The following MAL2 variants were observed in gnomAD, a reference collection of about 807,000 sequenced individuals.
MAL2 encodes protein MAL2.
In MAL2, 17 loss-of-function variants were observed where a neutral mutation model predicts 18.1. The observed-to-expected ratio is 0.94, with a 90% confidence interval of 0.64 to 1.41. The LOEUF (loss-of-function observed/expected upper bound fraction) is 1.41. Ranked by LOEUF, MAL2 falls within the 40% of genes most tolerant of loss-of-function variation. The pLI is 0.00. For missense variants in MAL2, 222 were observed against 231.9 expected (o/e 0.96, Z 0.28); for synonymous variants, 102 against 102.3 (o/e 1.00, Z 0.02).
intron 2 of MAL2, among the ~76,000 whole-genome samples, chr8:119,229,911 CCTAGG>C (rs1025793152): frequency 1.6e-4 from 24 of 152,164 alleles, no homozygotes; most frequent in African/African-American, 5.5e-4. Flanking sequence ...AACATGAGAG[CCTAGG>C]CTACCTGCTC....
At chr8:119,224,601 T>C (rs1438740346) in intron 2 of MAL2, among the ~76,000 whole-genome samples, 1 of 152,096 alleles carries the variant, frequency 6.6e-6, no homozygotes, top group Non-Finnish European at 1.5e-5. Context: ...CATGAATGAA[T>C]TGCATAGTGG....
At chr8:119,224,737 C>CT (rs1419055814) in intron 2 of MAL2, among the ~76,000 whole-genome samples, 3 of 152,158 alleles carry the variant, frequency 2.0e-5, no homozygotes, top group Non-Finnish European at 4.4e-5. Flanking sequence ...TTATACCACT[C>CT]TGTATGCCTT....
chr8:119,237,694 A>G (rs1563777727), intron 2 of MAL2, among the ~76,000 whole-genome samples: 1 of 151,816 alleles, frequency 6.6e-6, no homozygotes, highest in African/African-American at 2.4e-5. Flanking sequence ...AAACCACATG[A>G]TTATCTCAAT....
chr8:119,226,503 CG>C (rs377335258), intron 2 of MAL2, among the ~76,000 whole-genome samples: 61 of 95,106 alleles, frequency 6.4e-4, no homozygotes, highest in African/African-American at 2.5e-3. Flanking sequence ...CACTTGCGGG[CG>C]GGGGGTGGGG....
intron 1 of MAL2, chr8:119,215,713 A>G (rs1817340762): frequency 6.6e-6 from 1 of 152,266 alleles, no homozygotes; most frequent in African/African-American, 2.4e-5. Flanking sequence ...AAGTGTGATC[A>G]TTTCTCTATG....
intron 2 of MAL2, among the ~76,000 whole-genome samples, chr8:119,236,765 G>C (rs141809025): frequency 0.085 from 12,536 of 147,916 alleles, 1,722 homozygotes; most frequent in African/African-American, 0.29. Context: ...ACACAACATA[G>C]CAGAATCTCT....
intron 2 of MAL2, among the ~76,000 whole-genome samples, chr8:119,225,158 T>C (rs376280885): frequency 1.3e-5 from 2 of 152,312 alleles, no homozygotes; most frequent in South Asian, 2.1e-4. Flanking sequence ...TTAGGGTACA[T>C]GTGCACAACG....
rs1554637226 is a variant in MAL2 at position 119,208,384 on chromosome 8, G to GAGCGGCGGC, written c.-88_-80dup. Reference sequence around the variant, plus strand: ...CGGCGCGCCCGGAGCCCGCGGAGCTGAGCGGCGGCGGCGGCGGCGGCAGGA... The same window carrying GAGCGGCGGC: ...CGGCGCGCCCGGAGCCCGCGGAGCTGAGCGGCGGCAGCGGCGGCGGCGGCGGCGGCAGGA... On this transcript the variant is annotated 5_prime_UTR_variant, in exon 1 of 4. Coordinates refer to ENST00000614891, the MANE Select transcript of MAL2 (RefSeq NM_052886.3). The surrounding 1 kb of genome is among the most constrained non-coding windows in gnomAD (Gnocchi z 4.3). 2.0e-5 allele frequency: 14 copies of GAGCGGCGGC among 708,486 alleles called. No individual in the cohort carries two copies. The highest frequency in any genetic ancestry group is 2.4e-5 in the Non-Finnish European group (14 of 580,030). The allele number at this position is 708,486 out of a possible 1,614,324, so 43.9% of individuals were successfully genotyped here. A position where few individuals can be genotyped will look rare whatever the true frequency, so the allele number is the denominator to read the frequency against.
chr8:119,224,360 C>T (rs377417838), intron 2 of MAL2: 1 of 151,868 alleles, frequency 6.6e-6, no homozygotes, highest in South Asian at 2.1e-4. Context: ...ACAGAAGATT[C>T]TAAATTTATA....
intron 2 of MAL2, among the ~76,000 whole-genome samples, chr8:119,226,450 C>T (rs1308362747): frequency 2.3e-5 from 3 of 128,620 alleles, no homozygotes; most frequent in South Asian, 2.4e-4. Flanking sequence ...GACCCTGAAA[C>T]GAAGAGCAAA....
intron 2 of MAL2, chr8:119,224,351 C>T (rs1164493691): frequency 6.6e-6 from 1 of 151,872 alleles, no homozygotes; most frequent in Non-Finnish European, 1.5e-5. Flanking sequence ...GAACTTTAAA[C>T]AGAAGATTCT....
In MAL2 at chr8:119,240,151, C is replaced by T. The variant is rs779729234; in HGVS notation, c.304-14C>T. Reference sequence around the variant, plus strand: ...TTTTTTTTAATTGCAGATGTCTTTTCTCTCCTCTTTTAGGATTTTGCCTAC... The same window carrying T: ...TTTTTTTTAATTGCAGATGTCTTTTTTCTCCTCTTTTAGGATTTTGCCTAC... On this transcript the variant is annotated splice_polypyrimidine_tract_variant and intron_variant, in intron 2 of 3. Transcript: ENST00000614891. 1.9e-6 allele frequency: 3 copies of T among 1,609,860 alleles called. No homozygotes were observed. The highest frequency in any genetic ancestry group is 2.5e-6 in the Non-Finnish European group (3 of 1,177,870).
intron 2 of MAL2, 48 bp downstream of exon 2, chr8:119,221,805 T>C: frequency 1.3e-6 from 2 of 1,585,396 alleles, no homozygotes; most frequent in Non-Finnish European, 1.7e-6. Context: ...GGGAGAAACC[T>C]GTATCCTATT....
At chr8:119,232,665 AATG>A (rs1817758570) in intron 2 of MAL2, among the ~76,000 whole-genome samples, 1 of 152,176 alleles carries the variant, frequency 6.6e-6, no homozygotes, top group Non-Finnish European at 1.5e-5. Context: ...GAAAATCTCT[AATG>A]ATAAAAATAA....
At chr8:119,230,473 G>C (rs1817695699) in intron 2 of MAL2, among the ~76,000 whole-genome samples, 1 of 152,136 alleles carries the variant, frequency 6.6e-6, no homozygotes, top group Non-Finnish European at 1.5e-5. Context: ...GTAATTGCTT[G>C]TGGGCAGAAT....
chr8:119,234,496 T>G (rs1453970251), intron 2 of MAL2, among the ~76,000 whole-genome samples: 1 of 152,186 alleles, frequency 6.6e-6, no homozygotes, highest in African/African-American at 2.4e-5. Context: ...AGGCTCCACC[T>G]CTGGGGGCAG....
chr8:119,222,748 A>C (rs1817492286), intron 2 of MAL2, among the ~76,000 whole-genome samples: 2 of 151,244 alleles, frequency 1.3e-5, no homozygotes, highest in African/African-American at 2.4e-5. Context: ...GGATCACTTG[A>C]GCCCAGGAAG....
At chr8:119,235,297 A>C (rs1001801815) in intron 2 of MAL2, among the ~76,000 whole-genome samples, 4 of 152,204 alleles carry the variant, frequency 2.6e-5, no homozygotes, top group Non-Finnish European at 5.9e-5. Context: ...ATATGGGACT[A>C]TGTGAAAAGA....
intron 2 of MAL2, chr8:119,224,145 A>G (rs72684224): frequency 6.6e-6 from 1 of 152,346 alleles, no homozygotes; most frequent in Non-Finnish European, 1.5e-5. Context: ...AATTACATTC[A>G]TGATAGATAG....
Sources: gnomAD v4.1 joint callset for allele counts (sites outside exome capture counted in the v4.1 genomes callset) on GRCh38, gnomAD v4.1.1 for gene constraint, Gnocchi (gnomAD v3.1) non-coding constraint, MANE v1.5 for transcripts, NCBI Gene and HGNC (gene_info 2026-07-23, HGNC 2026-07-21) for gene names.